Variants in KCNIP1 observed in about 807,000 individuals in gnomAD.
The protein encoded by KCNIP1 is potassium voltage-gated channel interacting protein 1.
KCNIP1 carries 18 observed loss-of-function variants against 33.0 expected under a neutral mutation model. The observed-to-expected ratio is 0.55, with a 90% CI of 0.38 to 0.81. The LOEUF (loss-of-function observed/expected upper bound fraction) is 0.81. Among genes scored for constraint, KCNIP1 ranks in the 30% least tolerant of loss-of-function variants. The pLI is 0.00. For missense variants in KCNIP1, 238 were observed against 271.6 expected (o/e 0.88, Z 0.87); for synonymous variants, 93 against 98.3 (o/e 0.95, Z 0.32).
At chr5:170,573,831 T>C (rs910836964) in intron 1 of KCNIP1, among the ~76,000 whole-genome samples, 3 of 152,166 alleles carry the variant, frequency 2.0e-5, no homozygotes, top group Non-Finnish European at 4.4e-5. Flanking sequence ...GCCATAAATA[T>C]TTACTATATG....
At chr5:170,565,415 C>A (rs1004329555) in intron 1 of KCNIP1, among the ~76,000 whole-genome samples, 1 of 152,146 alleles carries the variant, frequency 6.6e-6, no homozygotes, top group Admixed American at 6.5e-5. Flanking sequence ...CTGCAGGAAG[C>A]TCAGGGACAG....
chr5:170,682,972 T>G (rs1365732433), intron 1 of KCNIP1, among the ~76,000 whole-genome samples: 1 of 152,060 alleles, frequency 6.6e-6, no homozygotes, highest in Non-Finnish European at 1.5e-5. Flanking sequence ...AGTAGAAATA[T>G]TCCCCTGCTC....
intron 1 of KCNIP1, among the ~76,000 whole-genome samples, chr5:170,459,050 T>C (rs1756451769): frequency 6.6e-6 from 1 of 151,864 alleles, no homozygotes; most frequent in African/African-American, 2.4e-5. Flanking sequence ...TATTCTTATA[T>C]CAGACAAAAC....
intron 1 of KCNIP1, among the ~76,000 whole-genome samples, chr5:170,714,902 T>C (rs1011955511): frequency 6.6e-6 from 1 of 152,132 alleles, no homozygotes; most frequent in African/African-American, 2.4e-5. Context: ...AAAAAATTTA[T>C]TAATTTAGTA....
At chr5:170,574,895 C>T (rs891068021) in intron 1 of KCNIP1, among the ~76,000 whole-genome samples, 1 of 152,218 alleles carries the variant, frequency 6.6e-6, no homozygotes, top group African/African-American at 2.4e-5. Flanking sequence ...CGTGCCGATT[C>T]CACACAGACA....
At chr5:170,675,204 T>TG (rs987655444) in intron 1 of KCNIP1, among the ~76,000 whole-genome samples, 5 of 151,748 alleles carry the variant, frequency 3.3e-5, no homozygotes, top group East Asian at 1.9e-4. Context: ...GAGGCTAAGG[T>TG]GGGGGGATCA....
chr5:170,554,803 TCTTCTCCC>T (rs1261468975), intron 1 of KCNIP1, among the ~76,000 whole-genome samples: 5 of 152,114 alleles, frequency 3.3e-5, no homozygotes, highest in Admixed American at 2.0e-4. Flanking sequence ...CCCTCTCTCC[TCTTCTCCC>T]CTTCTCGTCA....
chr5:170,401,011 C>T (rs1754888471), intron 1 of KCNIP1, among the ~76,000 whole-genome samples: 1 of 152,210 alleles, frequency 6.6e-6, no homozygotes, highest in Non-Finnish European at 1.5e-5. Context: ...TCCCTGTTCC[C>T]TCCATCATAG....
intron 1 of KCNIP1, among the ~76,000 whole-genome samples, chr5:170,570,100 C>G (rs994514318): frequency 6.6e-6 from 1 of 152,180 alleles, no homozygotes; most frequent in Non-Finnish European, 1.5e-5. Flanking sequence ...GCCAGCCCAG[C>G]GTGGACTTCA....
chr5:170,476,660 C>G (rs1030422486), intron 1 of KCNIP1, among the ~76,000 whole-genome samples: 9 of 152,142 alleles, frequency 5.9e-5, no homozygotes, highest in Admixed American at 5.9e-4. Flanking sequence ...GGCTGCGGGC[C>G]TGAAATTTTG....
chr5:170,694,662 C>G (rs1485380232), intron 1 of KCNIP1, among the ~76,000 whole-genome samples: 1 of 152,174 alleles, frequency 6.6e-6, no homozygotes, highest in Non-Finnish European at 1.5e-5. Context: ...GAAATGCACT[C>G]AACACAGCAC....
intron 1 of KCNIP1, among the ~76,000 whole-genome samples, chr5:170,493,650 G>A (rs1757253382): frequency 6.6e-6 from 1 of 152,238 alleles, no homozygotes; most frequent in Admixed American, 6.5e-5. Flanking sequence ...CTCCTCTGCA[G>A]TTGGTTAAGG....
At chr5:170,401,967 C>T (rs539034510) in intron 1 of KCNIP1, among the ~76,000 whole-genome samples, 1 of 152,142 alleles carries the variant, frequency 6.6e-6, no homozygotes, top group East Asian at 1.9e-4. Flanking sequence ...TCAGCAGGCC[C>T]GTGCTCCCTC....
intron 1 of KCNIP1, among the ~76,000 whole-genome samples, chr5:170,446,658 T>A (rs1029628715): frequency 6.6e-6 from 1 of 152,160 alleles, no homozygotes; most frequent in African/African-American, 2.4e-5. Context: ...TCCATCCTGA[T>A]CTGGAACTCC....
intron 1 of KCNIP1, among the ~76,000 whole-genome samples, chr5:170,631,722 C>T (rs990070949): frequency 1.3e-5 from 2 of 152,230 alleles, no homozygotes; most frequent in Admixed American, 1.3e-4. Context: ...CAGATGCCAT[C>T]CACTGGAGCT....
intron 1 of KCNIP1, among the ~76,000 whole-genome samples, chr5:170,427,287 C>T (rs527923965): frequency 6.6e-6 from 1 of 152,306 alleles, no homozygotes; most frequent in South Asian, 2.1e-4. Flanking sequence ...GCCCCTCCTG[C>T]GGCCTCCAAC....
At chr5:170,711,013 A>C (rs1272411225) in intron 1 of KCNIP1, among the ~76,000 whole-genome samples, 1 of 152,238 alleles carries the variant, frequency 6.6e-6, no homozygotes, top group Non-Finnish European at 1.5e-5. Context: ...TATATGGTAC[A>C]TGCTGTATGT....
chr5:170,453,566 G>A (rs1043798314), intron 1 of KCNIP1, among the ~76,000 whole-genome samples: 7 of 152,180 alleles, frequency 4.6e-5, no homozygotes, highest in African/African-American at 9.7e-5. Flanking sequence ...AATCAGCTCT[G>A]CCTTCTGGTA....
In KCNIP1 at chr5:170,420,719, C is replaced by T. The variant is rs150368950; in HGVS notation, c.88+66755C>T. 4.6e-5 allele frequency: 7 copies of T among 152,256 alleles called. No individual in the cohort carries two copies. In the East Asian group the frequency reaches 1.4e-3, roughly 29 times the overall value. The allele number at this position is 152,256 out of a possible 1,614,324, so 9.4% of individuals were successfully genotyped here. On this transcript the variant is annotated intron_variant, in intron 1 of 7. Coordinates refer to the KCNIP1 transcript ENST00000377360. ...CATGGTGGTTGGCACTCCTAACTCC[C>T]ACATCGTTCAGGGTCAACTGTATAT... is the stretch of plus-strand genomic sequence containing the variant.
Sources: gnomAD v4.1 joint callset for allele counts (sites outside exome capture counted in the v4.1 genomes callset) on GRCh38, gnomAD v4.1.1 for gene constraint, MANE v1.5 for transcripts, NCBI Gene and HGNC (gene_info 2026-07-23, HGNC 2026-07-21) for gene names.